Variants in AGAP1 observed in about 807,000 individuals in gnomAD.
AGAP1 encodes the protein arf-GAP with GTPase, ANK repeat and PH domain-containing protein 1.
Under a neutral mutation model 105.3 loss-of-function variants are expected in AGAP1, and 29 were observed. The ratio of observed to expected loss-of-function variants is 0.28; its 90% CI spans 0.21 to 0.38. The LOEUF (loss-of-function observed/expected upper bound fraction) is 0.38, where lower values mean the gene tolerates loss of function less well. AGAP1 is among the 10% of genes least tolerant of loss of function. The pLI is 1.00. For synonymous variants in AGAP1, 509 were observed against 485.9 expected, an observed-to-expected ratio of 1.05 and a Z score of -0.63; for missense variants, 998 against 1,165.1, an observed-to-expected ratio of 0.86 and a Z score of 2.09.
rs201718104 is a variant in AGAP1 at position 235,968,611 on chromosome 2, G to C, written c.1633G>C (p.Gly545Arg). ...TSNFKADGLS[G>R]TAEEQEENFE... ...CAACTTCAAAGCCGACGGCCTGTCC[G>C]GCACTGCTGAAGGTAAGGGTTCCGC... The change falls in exon 13 of 18, where the codon GGC becomes CGC. Residue 545 changes from glycine to arginine, a missense_variant. Gly to Arg is a moderately radical substitution (Grantham distance 125, BLOSUM62 -2). Coordinates refer to ENST00000304032, the MANE Select transcript of AGAP1 (RefSeq NM_001037131.3). The C allele has an allele frequency of 1.2e-6, 2 of 1,608,550 alleles. No individual in the cohort carries two copies. The highest frequency in any genetic ancestry group is 1.7e-6 in the Non-Finnish European group (2 of 1,178,614).
rs1462273230 is a variant in AGAP1, at chr2:235,899,784, T to C, written c.1156-8954T>C. 6.1e-5 allele frequency among the ~76,000 whole-genome samples: 9 copies of C among 147,330 alleles called. No individual in the cohort carries two copies. The Admixed American group carries it at 6.1e-4, about 10-fold the overall frequency. On this transcript the variant is annotated intron_variant, in intron 10 of 17. Coordinates refer to ENST00000304032, the MANE Select transcript of AGAP1 (RefSeq NM_001037131.3). ...GACTGTGTAGAGACAAGCAGCTGTT[T>C]TCATATCCGAGGCATGCATCGTACA...
rs1381049232 is a variant in AGAP1 at position 235,747,590 on chromosome 2, C to A, written c.538+2751C>A. Among the ~76,000 whole-genome samples, 3 of 152,210 alleles carry A rather than the reference C, an allele frequency of 2.0e-5. No homozygotes were observed. The highest frequency in any genetic ancestry group is 4.4e-5 in the Non-Finnish European group (3 of 68,040). Reference sequence around the variant, plus strand: ...CAATCAGGGCTGTATTCCTCACCTGCGGGATTCTCTTGGTCCTTCCCTAGA... The same window carrying A: ...CAATCAGGGCTGTATTCCTCACCTGAGGGATTCTCTTGGTCCTTCCCTAGA... On this transcript the variant is annotated intron_variant, in intron 5 of 17. Transcript: ENST00000304032. The surrounding 1 kb of genome is among the most constrained non-coding windows in gnomAD (Gnocchi z 5.0).
At chr2:236,064,618 G>A (rs911231678) in intron 16 of AGAP1, among the ~76,000 whole-genome samples, 1 of 151,980 alleles carries the variant, frequency 6.6e-6, no homozygotes, top group South Asian at 2.1e-4. Context: ...ATAACAAAAT[G>A]CCAGTAGCAC....
At chr2:235,925,613 C>T (rs907166657) in intron 11 of AGAP1, among the ~76,000 whole-genome samples, 1 of 152,152 alleles carries the variant, frequency 6.6e-6, no homozygotes, top group Non-Finnish European at 1.5e-5. Flanking sequence ...TTAAACTCAC[C>T]GTCTTAGCTA....
chr2:235,948,110 C>T (rs746646488), intron 12 of AGAP1, among the ~76,000 whole-genome samples: 2 of 150,398 alleles, frequency 1.3e-5, no homozygotes, highest in Non-Finnish European at 2.9e-5. Context: ...TTTACCTGTT[C>T]CATTTCAGCT....
At position 235,728,362 on chromosome 2, in the gene AGAP1, C is replaced by T. The variant is rs936528244; in HGVS notation, c.310+10718C>T. 2.7e-5 allele frequency among the ~76,000 whole-genome samples: 4 copies of T among 150,180 alleles called. No homozygotes were observed. Among genetic ancestry groups the T allele is most frequent in the East Asian group, 1.9e-4 (1 of 5,168 alleles). On this transcript the variant is annotated intron_variant, in intron 3 of 17. Coordinates refer to ENST00000304032, the MANE Select transcript of AGAP1 (RefSeq NM_001037131.3). The surrounding 1 kb of genome is among the most constrained non-coding windows in gnomAD (Gnocchi z 4.3). ...AAATCAATGTAAATTAGGCTATATA[C>T]AGCTGCCAATAATCTGCAAAAGATG...
chr2:235,641,991 A>G (rs1196655156), intron 1 of AGAP1, among the ~76,000 whole-genome samples: 1 of 152,204 alleles, frequency 6.6e-6, no homozygotes, highest in Non-Finnish European at 1.5e-5. Context: ...TAAGCCGTTT[A>G]CTGTTGATTG....
intron 1 of AGAP1, among the ~76,000 whole-genome samples, chr2:235,674,772 T>TC (rs1423796590): frequency 6.8e-6 from 1 of 146,960 alleles, no homozygotes; most frequent in Non-Finnish European, 1.5e-5. Flanking sequence ...CACTGCAACC[T>TC]CCCCCTCCCA....
At position 235,789,790 on chromosome 2, in the gene AGAP1, C is replaced by T. The variant is rs1049606114; in HGVS notation, c.674-7969C>T. On this transcript the variant is annotated intron_variant, in intron 6 of 17. Transcript: ENST00000304032. This position sits in a 1 kb window ranked among gnomAD's most constrained non-coding sequence, Gnocchi z 4.2. ...GGGCATGGCATGTCCTAATGACTTA[C>T]TCGAGCAGTTGAATCTTGGCCACAG... 2.0e-5 allele frequency among the ~76,000 whole-genome samples: 3 copies of T among 152,198 alleles called. No individual in the cohort carries two copies. The highest frequency in any genetic ancestry group is 4.8e-5 in the African/African-American group (2 of 41,444).
At position 235,867,572 on chromosome 2, in the gene AGAP1, T is replaced by TGTGTGTGTGTGTGCGC. The variant is rs375110513; in HGVS notation, c.1051-15770_1051-15769insTGTGTGTGTGCGCGTG. On this transcript the variant is annotated intron_variant, in intron 9 of 17. Transcript: ENST00000304032. The surrounding 1 kb of genome is among the most constrained non-coding windows in gnomAD (Gnocchi z 5.4). ...GTGTGTGTGTGTGTGTGTGTGTGTG[T>TGTGTGTGTGTGTGCGC]GTGCAAGTGAGGGAGGGTGACCCCC... Among the ~76,000 whole-genome samples, 26 of 148,370 alleles carry TGTGTGTGTGTGTGCGC rather than the reference T, an allele frequency of 1.8e-4. No homozygotes were observed. The highest frequency in any genetic ancestry group is 1.5e-3 in the Admixed American group (22 of 14,672).
rs1356585169 is a variant in AGAP1, at chr2:235,859,401, C to CT, written c.1051-23944_1051-23943insT. On this transcript the variant is annotated intron_variant, in intron 9 of 17. Coordinates refer to ENST00000304032, the MANE Select transcript of AGAP1 (RefSeq NM_001037131.3). ...ACTCTCCCCCCACAACCTCCCCCCCCCCCCCCGCCTTTTGTTCCATCCCCT... is the reference window on the plus strand; with the variant it reads ...ACTCTCCCCCCACAACCTCCCCCCCCTCCCCCCGCCTTTTGTTCCATCCCCT... Among the ~76,000 whole-genome samples the CT allele has an allele frequency of 4.7e-5, 4 of 84,274 alleles. 2 individuals carry two copies. The highest frequency in any genetic ancestry group is 2.6e-4 in the Admixed American group (2 of 7,784). The allele number at this position is 84,274 out of a possible 152,430, so 55.3% of individuals were successfully genotyped here.
At chr2:235,978,805 T>C (rs535246806) in intron 13 of AGAP1, among the ~76,000 whole-genome samples, 1 of 152,142 alleles carries the variant, frequency 6.6e-6, no homozygotes, top group South Asian at 2.1e-4. Context: ...CCACTGCCCT[T>C]GAGAACTGGG....
rs921178698 is a variant in AGAP1, at chr2:236,090,135, G to A, written c.2115-30057G>A. Among the ~76,000 whole-genome samples, 4 of 152,136 alleles carry A rather than the reference G, an allele frequency of 2.6e-5. No homozygotes were observed. The highest frequency in any genetic ancestry group is 7.2e-5 in the African/African-American group (3 of 41,418). ...CGCGCCTGAGCCCTTCACAGAGACC[G>A]GCCGTGTCCTCACCCCTCTGTCACC... On this transcript the variant is annotated intron_variant, in intron 16 of 17. Transcript: ENST00000304032. The surrounding 1 kb of genome is among the most constrained non-coding windows in gnomAD (Gnocchi z 4.3).
chr2:235,580,808 A>G (rs930058691), intron 1 of AGAP1, among the ~76,000 whole-genome samples: 14 of 152,300 alleles, frequency 9.2e-5, no homozygotes, highest in Middle Eastern at 3.4e-3. Flanking sequence ...AAAAAAATCT[A>G]GAGAGGATGT....
intron 2 of AGAP1, among the ~76,000 whole-genome samples, chr2:235,717,108 C>T (rs1478608026): frequency 2.0e-5 from 3 of 152,184 alleles, no homozygotes; most frequent in Admixed American, 6.5e-5. Flanking sequence ...CCCAAGTCTA[C>T]CCTAGACTCA....
At chr2:235,829,109 C>G (rs910586287) in intron 9 of AGAP1, among the ~76,000 whole-genome samples, 2 of 152,246 alleles carry the variant, frequency 1.3e-5, no homozygotes, top group Non-Finnish European at 2.9e-5. Context: ...GGCACCAGGA[C>G]TTTGTCTACA....
intron 1 of AGAP1, among the ~76,000 whole-genome samples, chr2:235,512,716 A>C (rs547529237): frequency 6.6e-6 from 1 of 152,296 alleles, no homozygotes; most frequent in Non-Finnish European, 1.5e-5. Context: ...AGCTGGAGGT[A>C]GGTGATAAGC....
chr2:235,807,617 G>A (rs759841275), intron 9 of AGAP1, among the ~76,000 whole-genome samples: 4 of 152,202 alleles, frequency 2.6e-5, no homozygotes, highest in African/African-American at 4.8e-5. Context: ...TTTGTAGCAC[G>A]GCTTTGATTG....
chr2:235,925,823 T>C (rs1179749505), intron 11 of AGAP1, among the ~76,000 whole-genome samples: 1 of 152,158 alleles, frequency 6.6e-6, no homozygotes, highest in East Asian at 1.9e-4. Context: ...TGCACTTGTA[T>C]CCTAGCTTGT....
Sources: allele counts gnomAD v4.1 joint callset (sites outside exome capture counted in the v4.1 genomes callset), GRCh38; gene constraint gnomAD v4.1.1; non-coding constraint Gnocchi (gnomAD v3.1); transcripts MANE v1.5; gene names NCBI Gene and HGNC (gene_info 2026-07-23, HGNC 2026-07-21).